Variants in CAD observed in about 807,000 individuals in gnomAD.
CAD encodes the protein carbamoyl-phosphate synthetase 2, aspartate transcarbamylase, and dihydroorotase, also known as multifunctional protein CAD.
In CAD, 81 loss-of-function variants were observed where a neutral mutation model predicts 237.2. The ratio of observed to expected loss-of-function variants is 0.34; its 90% CI spans 0.29 to 0.41. The LOEUF (loss-of-function observed/expected upper bound fraction) is 0.41, where lower values mean the gene tolerates loss of function less well. Among genes scored for constraint, CAD ranks in the 10% least tolerant of loss-of-function variants. The pLI, the probability that CAD is intolerant of heterozygous loss-of-function variation, is 1.00. For missense variants in CAD, 2,181 were observed against 2,951.7 expected (o/e 0.74, Z 6.05); for synonymous variants, 1,196 against 1,162.8 (o/e 1.03, Z -0.58).
chr2:27,233,025 T>C lies in CAD; in HGVS notation c.2893-17T>C. 3 of 1,536,252 alleles carry C rather than the reference T, an allele frequency of 2.0e-6. No individual in the cohort carries two copies. Among genetic ancestry groups the C allele is most frequent in the Non-Finnish European group, 2.7e-6 (3 of 1,109,040 alleles). On this transcript the variant is annotated splice_polypyrimidine_tract_variant and intron_variant, in intron 18 of 43. Transcript: ENST00000264705. The surrounding 1 kb of genome is among the most constrained non-coding windows in gnomAD (Gnocchi z 6.3). Reference sequence around the variant, plus strand: ...CTCCCACCTGACTGCTAAGTACCCTTCCCCTCCCTCTTGCAGATGGGATAT... The same window carrying C: ...CTCCCACCTGACTGCTAAGTACCCTCCCCCTCCCTCTTGCAGATGGGATAT...
rs1391609899 is a variant in CAD at position 27,236,526 on chromosome 2, A to G, written c.4314+3A>G. On this transcript the variant is annotated splice_donor_region_variant and intron_variant, in intron 26 of 43. Transcript: ENST00000264705. This position sits in a 1 kb window ranked among gnomAD's most constrained non-coding sequence, Gnocchi z 4.1. ...AGTGCACCAAACTCTTTGTGGAGGT[A>G]ACTGAGACCCATGTGCTGGGAGGGA... 11 of 1,610,148 alleles carry G rather than the reference A, an allele frequency of 6.8e-6. No homozygotes were observed. Among genetic ancestry groups the G allele is most frequent in the African/African-American group, 2.7e-5 (2 of 74,932 alleles).
intron 6 of CAD, 84 bp from the exon 7 acceptor site, chr2:27,223,479 C>A: frequency 1.7e-6 from 2 of 1,160,734 alleles, no homozygotes; most frequent in Non-Finnish European, 2.5e-6. Context: ...CTACTGAGAA[C>A]AGGAGATCGG....
intron 22 of CAD, 24 bp downstream of exon 22, chr2:27,234,250 T>C: frequency 1.3e-6 from 2 of 1,591,476 alleles, no homozygotes; most frequent in East Asian, 2.2e-5. Flanking sequence ...AGGAAAGAAC[T>C]AAAGGGCCAC....
rs1464981241 is a variant in CAD at position 27,241,998 on chromosome 2, G to A, written c.5971G>A (p.Val1991Met). The A allele has an allele frequency of 8.1e-6, 13 of 1,613,354 alleles. No individual in the cohort carries two copies. Among genetic ancestry groups the A allele is most frequent in the Admixed American group, 1.7e-5 (1 of 60,028 alleles). ...AGCCATGGCCCGGCTGGGAGGTGCTGTGCTCAGCTTCTCGGAAGCCACATC... is the reference window on the plus strand; with the variant it reads ...AGCCATGGCCCGGCTGGGAGGTGCTATGCTCAGCTTCTCGGAAGCCACATC... ...AAAMARLGGAVLSFSEATSSV... is the reference protein window; with the variant it reads ...AAAMARLGGAMLSFSEATSSV... Residue 1991 changes from valine (V) to methionine (M), a missense_variant, in exon 39 of 44, where the codon GTG (valine) becomes ATG (methionine). Transcript: ENST00000264705. This position sits in a 1 kb window ranked among gnomAD's most constrained non-coding sequence, Gnocchi z 4.6.
rs1380596194 is a variant in CAD at position 27,241,960 on chromosome 2, G to A, written c.5933G>A (p.Ser1978Asn). The change falls in exon 39 of 44, where the codon AGC (serine) becomes AAC (asparagine). Residue 1978 changes from serine (S) to asparagine (N), a missense_variant. By Grantham distance (46) the Ser-to-Asn change is conservative. Transcript: ENST00000264705. The surrounding 1 kb of genome is among the most constrained non-coding windows in gnomAD (Gnocchi z 4.6). ...TATGAAGTGAGCACACGGACCAGCA[G>A]CTCCTTTGCAGCAGCCATGGCCCGG... ...MFYEVSTRTS[S>N]SFAAAMARLG... The A allele has an allele frequency of 6.2e-7, 1 of 1,613,730 alleles. No individual in the cohort carries two copies. Among genetic ancestry groups the A allele is most frequent in the Non-Finnish European group, 8.5e-7 (1 of 1,180,028 alleles).
Position 27,224,728 on chromosome 2 carries a change from CA to C in CAD, c.1255-16del. On this transcript the variant is annotated splice_polypyrimidine_tract_variant and intron_variant, in intron 9 of 43. Coordinates refer to ENST00000264705, the MANE Select transcript of CAD (RefSeq NM_004341.5). ...GCTTCTTCAGCAGAGGCTGAGATGC[CA>C]TTCTTGTCCTTTTAGGCAATTAAGG... 1 of 1,614,048 alleles carries C rather than the reference CA, an allele frequency of 6.2e-7. No individual in the cohort carries two copies. The highest frequency in any genetic ancestry group is 2.2e-5 in the East Asian group (1 of 44,894).
At chr2:27,231,921 C>G (rs1374408618) in intron 16 of CAD, 59 bp from the exon 17 acceptor site, 9 of 1,603,932 alleles carry the variant, frequency 5.6e-6, no homozygotes, top group Non-Finnish European at 7.7e-6. Flanking sequence ...CAGCTACTTA[C>G]GCTCAGGCTT....
rs143542688 is a variant in CAD, at chr2:27,236,388, T to G, written c.4179T>G (p.Ile1393Met). 6.2e-7 allele frequency: 1 copy of G among 1,614,096 alleles called. No individual in the cohort carries two copies. The highest frequency in any genetic ancestry group is 8.5e-7 in the Non-Finnish European group (1 of 1,180,036). ...CTGAGAAAAACTTTGAGCTGGTGATTAACCTGTCAATGCGTGGAGCTGGGG... is the reference window on the plus strand; with the variant it reads ...CTGAGAAAAACTTTGAGCTGGTGATGAACCTGTCAATGCGTGGAGCTGGGG... ...QLAEKNFELV[I>M]NLSMRGAGGR... Residue 1393 changes from isoleucine to methionine, a missense_variant, in exon 26 of 44, where the codon ATT becomes ATG. Coordinates refer to ENST00000264705, the MANE Select transcript of CAD (RefSeq NM_004341.5). This position sits in a 1 kb window ranked among gnomAD's most constrained non-coding sequence, Gnocchi z 4.1.
Position 27,241,984 on chromosome 2 carries a change from G to A in CAD, c.5957G>A (p.Arg1986Gln), listed in dbSNP as rs776781386. 12 of 1,613,346 alleles carry A rather than the reference G, an allele frequency of 7.4e-6. No individual in the cohort carries two copies. The highest frequency in any genetic ancestry group is 1.3e-5 in the African/African-American group (1 of 74,932). Residue 1986 changes from arginine (R) to glutamine (Q), a missense_variant, in exon 39 of 44, where the codon CGG becomes CAG. Transcript: ENST00000264705. The surrounding 1 kb of genome is among the most constrained non-coding windows in gnomAD (Gnocchi z 4.6). ...AGCTCCTTTGCAGCAGCCATGGCCC[G>A]GCTGGGAGGTGCTGTGCTCAGCTTC... ...TSSSFAAAMARLGGAVLSFSE... is the reference protein window; with the variant it reads ...TSSSFAAAMAQLGGAVLSFSE...
intron 1 of CAD, 102 bp downstream of exon 1, chr2:27,217,735 C>T: frequency 7.0e-7 from 1 of 1,425,714 alleles, no homozygotes; most frequent in Non-Finnish European, 9.5e-7. Context: ...GCCAGCGTAC[C>T]CCCTTCCCCC....
rs940733796 is a variant in CAD, at chr2:27,241,591, G to A, written c.5883+195G>A. Among the ~76,000 whole-genome samples, 1 of 152,204 alleles carries A rather than the reference G, an allele frequency of 6.6e-6. No homozygotes were observed. Among genetic ancestry groups the A allele is most frequent in the African/African-American group, 2.4e-5 (1 of 41,442 alleles). On this transcript the variant is annotated intron_variant, in intron 38 of 43. Transcript: ENST00000264705. The surrounding 1 kb of genome is among the most constrained non-coding windows in gnomAD (Gnocchi z 4.6). ...AAGCAGGATTTAGCTGGCTGGGGAG[G>A]CCCTGAGCATGAGACCATCGCCCCA...
rs765417972 is a variant in CAD, at chr2:27,238,178, G to T, written c.4851G>T (p.Arg1617=). ...CAGTGCACATATGTCACGTGGCACG[G>T]AAGGAGGAGGTAAGAGTACACCTGA... ...QRSVHICHVA[R]KEEILLIKAA... Residue 1617 remains arginine (R), a synonymous_variant, in exon 30 of 44, where the codon CGG becomes CGT. Coordinates refer to ENST00000264705, the MANE Select transcript of CAD (RefSeq NM_004341.5). 1.2e-6 allele frequency: 2 copies of T among 1,613,932 alleles called. No homozygotes were observed. The highest frequency in any genetic ancestry group is 1.7e-6 in the Non-Finnish European group (2 of 1,180,034).
chr2:27,223,465 G>T, intron 6 of CAD, 98 bp from the exon 7 acceptor site: 6 of 1,002,648 alleles, frequency 6.0e-6, no homozygotes, highest in Non-Finnish European at 9.0e-6. Flanking sequence ...AAACAGGAGT[G>T]AGGCTACTGA....
Position 27,240,205 on chromosome 2 carries a change from C to A in CAD, c.5497-60C>A. On this transcript the variant is annotated intron_variant, in intron 34 of 43. Transcript: ENST00000264705. The surrounding 1 kb of genome is among the most constrained non-coding windows in gnomAD (Gnocchi z 4.6). Reference sequence around the variant, plus strand: ...CTGCACTCCAGCCTGAGCGACAGAACGAGACTCCGTCTCAAAAGAAAAAAA... The same window carrying A: ...CTGCACTCCAGCCTGAGCGACAGAAAGAGACTCCGTCTCAAAAGAAAAAAA... 7.2e-7 allele frequency: 1 copy of A among 1,380,840 alleles called. No individual in the cohort carries two copies. 85.5% of individuals were successfully genotyped at this position (1,380,840 alleles called of 1,614,324 possible). A position where few individuals can be genotyped will look rare whatever the true frequency, so the allele number is the denominator to read the frequency against.
chr2:27,228,922 C>CTTT (rs1183635798), intron 15 of CAD, among the ~76,000 whole-genome samples: 6 of 105,942 alleles, frequency 5.7e-5, no homozygotes, highest in Non-Finnish European at 5.9e-5. Context: ...TTTTTTTTTT[C>CTTT]TTTTTTTTTT....
chr2:27,238,120 C>T lies in CAD; in HGVS notation c.4793C>T (p.Ala1598Val). 6.2e-7 allele frequency: 1 copy of T among 1,614,216 alleles called. No homozygotes were observed. The highest frequency in any genetic ancestry group is 8.5e-7 in the Non-Finnish European group (1 of 1,180,036). The change falls in exon 30 of 44, where the codon GCT becomes GTT. Residue 1598 changes from alanine (A) to valine (V), a missense_variant. By Grantham distance (64) the Ala-to-Val change is moderately conservative. Around this residue, in one of 12 missense-constraint regions of CAD, gnomAD observed 478 missense variants for 515.0 expected, o/e 0.93. Transcript: ENST00000264705. Reference protein sequence around the residue: ...VAHAEQQTVAAVLMVAQLTQR... With the variant: ...VAHAEQQTVAVVLMVAQLTQR... Reference sequence around the variant, plus strand: ...CACGCAGAGCAGCAAACCGTGGCTGCTGTCCTCATGGTGGCTCAGCTCACT... The same window carrying T: ...CACGCAGAGCAGCAAACCGTGGCTGTTGTCCTCATGGTGGCTCAGCTCACT...
chr2:27,230,408 G>A (rs553258320), intron 15 of CAD, among the ~76,000 whole-genome samples: 5 of 152,230 alleles, frequency 3.3e-5, no homozygotes, highest in South Asian at 2.1e-4. Context: ...TTGGGAGGCC[G>A]AGGCGGGTGG....
intron 2 of CAD, among the ~76,000 whole-genome samples, 171 bp from the exon 3 acceptor site, chr2:27,221,047 A>G (rs761615643): frequency 3.9e-5 from 6 of 152,208 alleles, no homozygotes; most frequent in Non-Finnish European, 7.4e-5. Flanking sequence ...TGTTTCGTAT[A>G]GGAGAGAGCG....
In CAD at chr2:27,243,763, A is replaced by G; in HGVS notation, c.*245A>G. On this transcript the variant is annotated 3_prime_UTR_variant, in exon 44 of 44. Coordinates refer to ENST00000264705, the MANE Select transcript of CAD (RefSeq NM_004341.5). ...GTACAGTCATTTTTCTACTGACTTA[A>G]TAAACAGCCGAGCTGTCCCTTGATG... 1 of 526,388 alleles carries G rather than the reference A, an allele frequency of 1.9e-6. No individual in the cohort carries two copies. The highest frequency in any genetic ancestry group is 3.1e-5 in the East Asian group (1 of 32,542). 32.6% of individuals were successfully genotyped at this position (526,388 alleles called of 1,614,324 possible). A position where few individuals can be genotyped will look rare whatever the true frequency, so the allele number is the denominator to read the frequency against.
Sources: allele counts gnomAD v4.1 joint callset (sites outside exome capture counted in the v4.1 genomes callset), GRCh38; gene constraint gnomAD v4.1.1; regional missense constraint gnomAD v4.1.1; non-coding constraint Gnocchi (gnomAD v3.1); transcripts MANE v1.5; gene names NCBI Gene and HGNC (gene_info 2026-07-23, HGNC 2026-07-21).